The following GRIK5 variants were observed in gnomAD, a reference collection of about 807,000 sequenced individuals.
GRIK5 encodes the protein glutamate receptor ionotropic, kainate 5.
GRIK5 carries 43 observed loss-of-function variants against 97.4 expected under a neutral mutation model. The ratio of observed to expected loss-of-function variants is 0.44; its 90% CI spans 0.35 to 0.57. The LOEUF is 0.57. GRIK5 is among the 20% of genes least tolerant of loss of function. The pLI, the probability that GRIK5 is intolerant of heterozygous loss-of-function variation, is 0.01. For missense variants in GRIK5, 1,015 were observed against 1,382.0 expected (o/e 0.73, Z 4.21); for synonymous variants, 580 against 583.5 (o/e 0.99, Z 0.09).
chr19:42,061,824 C>G (rs999895190), intron 5 of GRIK5, among the ~76,000 whole-genome samples: 1 of 152,218 alleles, frequency 6.6e-6, no homozygotes, highest in Non-Finnish European at 1.5e-5. Flanking sequence ...GTTCTCTACA[C>G]TGCAGCCAAA....
intron 12 of GRIK5, among the ~76,000 whole-genome samples, chr19:42,036,665 G>A (rs959040138): frequency 4.6e-5 from 7 of 152,288 alleles, no homozygotes; most frequent in African/African-American, 9.6e-5. Context: ...GTGTGTGTGC[G>A]TCTTCTATCA....
At chr19:42,009,997 T>C (rs1183547507) in intron 15 of GRIK5, among the ~76,000 whole-genome samples, 3 of 144,216 alleles carry the variant, frequency 2.1e-5, no homozygotes, top group Non-Finnish European at 3.0e-5. Flanking sequence ...TCCCAGGAGG[T>C]GGAGGTTGCT....
At chr19:42,034,925 A>G (rs1167337948) in intron 12 of GRIK5, among the ~76,000 whole-genome samples, 1 of 152,132 alleles carries the variant, frequency 6.6e-6, no homozygotes, top group African/African-American at 2.4e-5. Context: ...AGTGGCCAGG[A>G]TGCAGTGGGT....
At chr19:42,057,594 G>A (rs1022339564) in intron 6 of GRIK5, among the ~76,000 whole-genome samples, 1 of 152,014 alleles carries the variant, frequency 6.6e-6, no homozygotes, top group Non-Finnish European at 1.5e-5. Flanking sequence ...CCAAGCTCCT[G>A]GCCTCAAGCA....
At chr19:42,063,390 T>A (rs756074173) in intron 3 of GRIK5, 1 of 456,470 alleles carries the variant, frequency 2.2e-6, no homozygotes. Flanking sequence ...GCTTGTCCAG[T>A]GCCTGTTCTC....
chr19:42,054,445 C>T lies in GRIK5; in HGVS notation c.931G>A (p.Val311Met), dbSNP rs776489173. 11 of 1,613,142 alleles carry T rather than the reference C, an allele frequency of 6.8e-6. No homozygotes were observed. Among genetic ancestry groups the T allele is most frequent in the East Asian group, 2.2e-5 (1 of 44,890 alleles). ...ALSAALMFDA[V>M]HVVVSAVREL... ...CGGACAGCGCTCACCACCACGTGCA[C>T]GGCGTCAAACATCAGGGCGGCTGAC... is the stretch of plus-strand genomic sequence containing the variant. Residue 311 changes from valine (V) to methionine (M), a missense_variant, in exon 9 of 20, where the codon GTG becomes ATG. This residue lies in a region of GRIK5 where 477 missense variants were observed against 701.1 expected (regional missense o/e 0.68). Transcript: ENST00000593562.
intron 8 of GRIK5, among the ~76,000 whole-genome samples, 153 bp from the exon 9 acceptor site, chr19:42,054,625 C>G (rs180689849): frequency 3.6e-4 from 55 of 152,126 alleles, no homozygotes; most frequent in Non-Finnish European, 1.5e-5. Flanking sequence ...GGAAGTGGCT[C>G]TGGTGTCTTT....
intron 11 of GRIK5, among the ~76,000 whole-genome samples, chr19:42,050,673 A>T (rs934911923): frequency 1.1e-4 from 16 of 151,864 alleles, no homozygotes; most frequent in African/African-American, 3.1e-4. Context: ...AAAAAAAAAA[A>T]AAATTAAAAA....
intron 3 of GRIK5, chr19:42,063,279 A>C: frequency 2.2e-6 from 1 of 458,838 alleles, no homozygotes; most frequent in Non-Finnish European, 4.4e-6. Flanking sequence ...TACTCCAAAC[A>C]CCACTCTCCC....
chr19:42,059,736 A>G (rs912667258), intron 5 of GRIK5, among the ~76,000 whole-genome samples: 38 of 151,996 alleles, frequency 2.5e-4, no homozygotes, highest in African/African-American at 9.2e-4. Context: ...CTCTTCCTAG[A>G]ACTCCAGATT....
intron 15 of GRIK5, among the ~76,000 whole-genome samples, chr19:42,018,419 C>T (rs2075654171): frequency 6.6e-6 from 1 of 151,352 alleles, no homozygotes; most frequent in Admixed American, 6.6e-5. Context: ...CTTTGGGAGG[C>T]CGACCCAGGT....
chr19:42,008,534 C>A (rs575086034), intron 15 of GRIK5, among the ~76,000 whole-genome samples: 1 of 151,678 alleles, frequency 6.6e-6, no homozygotes, highest in Non-Finnish European at 1.5e-5. Flanking sequence ...GGCTGAGGCA[C>A]GAGAATCGTT....
chr19:42,042,522 G>A lies in GRIK5; in HGVS notation c.1473+30C>T, dbSNP rs775605005. On this transcript the variant is annotated intron_variant, in intron 12 of 19. Coordinates refer to ENST00000593562, the MANE Select transcript of GRIK5 (RefSeq NM_002088.5). This position sits in a 1 kb window ranked among gnomAD's most constrained non-coding sequence, Gnocchi z 6.9. ...GCCCTCCCTCACTCGCCGGGTCCAT[G>A]CATCTTTCCCGGCCCCAGTCCAGCC... is the stretch of plus-strand genomic sequence containing the variant. 1 of 1,577,146 alleles carries A rather than the reference G, an allele frequency of 6.3e-7. No individual in the cohort carries two copies. Among genetic ancestry groups the A allele is most frequent in the East Asian group, 2.3e-5 (1 of 44,424 alleles).
chr19:42,052,750 G>C (rs1479788727), intron 11 of GRIK5, among the ~76,000 whole-genome samples: 1 of 151,832 alleles, frequency 6.6e-6, no homozygotes, highest in Non-Finnish European at 1.5e-5. Context: ...GAAGCCTCCT[G>C]CTCGCCAGGC....
Position 41,998,943 on chromosome 19 carries a change from G to A in GRIK5, c.2871C>T (p.Pro957=), listed in dbSNP as rs1346589424. The part of the protein sequence containing the change: ...AGAPPRGLGV[P]AEATSPPRPR... ...GCCGGGGCGGGCTGGTGGCTTCGGCGGGGACGCCCAGGCCACGCGGAGGCG... is the reference window on the plus strand; with the variant it reads ...GCCGGGGCGGGCTGGTGGCTTCGGCAGGGACGCCCAGGCCACGCGGAGGCG... The change falls in exon 20 of 20, where the codon CCC becomes CCT. Residue 957 remains proline, a synonymous_variant. Coordinates refer to ENST00000593562, the MANE Select transcript of GRIK5 (RefSeq NM_002088.5). The A allele has an allele frequency of 1.8e-6, 2 of 1,130,480 alleles. No individual in the cohort carries two copies. Among genetic ancestry groups the A allele is most frequent in the Non-Finnish European group, 1.1e-6 (1 of 924,496 alleles). The allele number at this position is 1,130,480 out of a possible 1,614,324, so 70.0% of individuals were successfully genotyped here.
chr19:42,042,454 C>T lies in GRIK5; in HGVS notation c.1473+98G>A, dbSNP rs938689825. The T allele has an allele frequency of 3.7e-6, 4 of 1,071,486 alleles. No homozygotes were observed. Among genetic ancestry groups the T allele is most frequent in the Non-Finnish European group, 4.1e-6 (3 of 730,830 alleles). The allele number at this position is 1,071,486 out of a possible 1,614,324, so 66.4% of individuals were successfully genotyped here. A position where few individuals can be genotyped will look rare whatever the true frequency, so the allele number is the denominator to read the frequency against. On this transcript the variant is annotated intron_variant, in intron 12 of 19. Coordinates refer to ENST00000593562, the MANE Select transcript of GRIK5 (RefSeq NM_002088.5). This position sits in a 1 kb window ranked among gnomAD's most constrained non-coding sequence, Gnocchi z 6.9. ...TCATGGCTCCTTCCTCTTCTGCCAC[C>T]AGCCAGGCTGCTTCTGAGGTTCGAC...
At chr19:42,004,358 C>T (rs1420508273) in intron 17 of GRIK5, among the ~76,000 whole-genome samples, 1 of 152,198 alleles carries the variant, frequency 6.6e-6, no homozygotes, top group Admixed American at 6.5e-5. Flanking sequence ...TTAAGCCATC[C>T]TTGGGCTTCA....
At position 42,070,135 on chromosome 19, in the gene GRIK5, C is replaced by A. The variant is rs1003141938; in HGVS notation, c.-945G>T. On this transcript the variant is annotated 5_prime_UTR_variant, in exon 1 of 20. Transcript: ENST00000593562. ...GCCTCCCTGCCGCTGGCTGCCGCCA[C>A]CGCTCAGTCTCCCCTCCGAGGCCGC... Among the ~76,000 whole-genome samples the A allele has an allele frequency of 1.3e-5, 2 of 152,102 alleles. No individual in the cohort carries two copies. The highest frequency in any genetic ancestry group is 4.8e-5 in the African/African-American group (2 of 41,428).
intron 5 of GRIK5, among the ~76,000 whole-genome samples, chr19:42,059,948 C>T (rs1299001257): frequency 2.6e-5 from 4 of 152,098 alleles, no homozygotes; most frequent in Non-Finnish European, 5.9e-5. Context: ...CAGATCCCCT[C>T]ACGCCGTGCC....
Sources: allele counts gnomAD v4.1 joint callset (sites outside exome capture counted in the v4.1 genomes callset), GRCh38; gene constraint gnomAD v4.1.1; regional missense constraint gnomAD v4.1.1; non-coding constraint Gnocchi (gnomAD v3.1); transcripts MANE v1.5; gene names NCBI Gene and HGNC (gene_info 2026-07-23, HGNC 2026-07-21).